Variants in DPP10 observed in about 807,000 individuals in gnomAD.
DPP10 encodes the protein inactive dipeptidyl peptidase 10.
In DPP10, 33 loss-of-function variants were observed where a neutral mutation model predicts 120.9. The observed-to-expected ratio is 0.27, with a 90% CI of 0.21 to 0.37. The LOEUF (loss-of-function observed/expected upper bound fraction) is 0.37. DPP10 is among the 10% of genes least tolerant of loss of function. The pLI is 1.00. For synonymous variants in DPP10, 337 were observed against 326.1 expected (o/e 1.03, Z -0.36); for missense variants, 816 against 942.8 (o/e 0.87, Z 1.76).
At chr2:114,555,164 A>G (rs1688187826) in intron 1 of DPP10, among the ~76,000 whole-genome samples, 1 of 152,208 alleles carries the variant, frequency 6.6e-6, no homozygotes, top group Admixed American at 6.5e-5. Context: ...TGTCTTGTAC[A>G]CACTCAGAAT....
intron 7 of DPP10, among the ~76,000 whole-genome samples, chr2:115,725,821 G>A (rs1374623015): frequency 6.6e-6 from 1 of 152,120 alleles, no homozygotes; most frequent in Non-Finnish European, 1.5e-5. Flanking sequence ...TAAGGAAAAC[G>A]TTGTGCACCT....
At chr2:114,816,399 A>G (rs1685642509) in intron 1 of DPP10, among the ~76,000 whole-genome samples, 1 of 152,212 alleles carries the variant, frequency 6.6e-6, no homozygotes, top group South Asian at 2.1e-4. Flanking sequence ...AACTTTATTT[A>G]CACAAATAGG....
chr2:114,517,315 G>T (rs1308223352), intron 1 of DPP10, among the ~76,000 whole-genome samples: 2 of 152,146 alleles, frequency 1.3e-5, no homozygotes, highest in Non-Finnish European at 2.9e-5. Flanking sequence ...GATGTCAGGA[G>T]TTCGAGACCA....
chr2:115,115,699 T>G (rs2049467209), intron 1 of DPP10, among the ~76,000 whole-genome samples: 1 of 152,214 alleles, frequency 6.6e-6, no homozygotes, highest in African/African-American at 2.4e-5. Flanking sequence ...ATGGCATTTT[T>G]AAGTTAGATG....
chr2:114,899,801 C>A (rs1558860006), intron 1 of DPP10, among the ~76,000 whole-genome samples: 3 of 150,208 alleles, frequency 2.0e-5, no homozygotes, highest in African/African-American at 4.9e-5. Context: ...ACTAAAAATA[C>A]AAAAAAAAAT....
At chr2:114,761,638 C>T (rs956173798) in intron 1 of DPP10, among the ~76,000 whole-genome samples, 4 of 152,236 alleles carry the variant, frequency 2.6e-5, no homozygotes, top group African/African-American at 7.2e-5. Context: ...TGAGGAGCAG[C>T]GGGGAACCAG....
chr2:114,509,593 C>T (rs1683966564), intron 1 of DPP10, among the ~76,000 whole-genome samples: 1 of 152,216 alleles, frequency 6.6e-6, no homozygotes, highest in Non-Finnish European at 1.5e-5. Context: ...GCGTAGGGCT[C>T]CATACAGCTC....
At chr2:114,922,503 G>A (rs769044336) in intron 1 of DPP10, among the ~76,000 whole-genome samples, 8 of 152,014 alleles carry the variant, frequency 5.3e-5, no homozygotes, top group Non-Finnish European at 1.0e-4. Context: ...GTAGAGATGG[G>A]GTTTCACCAT....
chr2:115,290,170 T>G (rs1246242190), intron 1 of DPP10, among the ~76,000 whole-genome samples: 1 of 151,948 alleles, frequency 6.6e-6, no homozygotes, highest in Non-Finnish European at 1.5e-5. Context: ...CCAAATAATT[T>G]TATTAAAAGC....
In DPP10 at chr2:114,975,005, C is replaced by G. The variant is rs1699655774; in HGVS notation, c.61-334234C>G. Among the ~76,000 whole-genome samples the G allele has an allele frequency of 3.3e-5, 5 of 151,226 alleles. No homozygotes were observed. In the South Asian group the frequency reaches 1.0e-3, roughly 31 times the overall value. ...TCATGTTAAAGAAAAAAATATAAAA[C>G]TGACAGGTGAGATAGAAAAATATCT... On this transcript the variant is annotated intron_variant, in intron 1 of 25. Coordinates refer to ENST00000410059, the MANE Select transcript of DPP10 (RefSeq NM_020868.6).
At chr2:114,977,849 C>CTT (rs113944879) in intron 1 of DPP10, among the ~76,000 whole-genome samples, 13 of 143,480 alleles carry the variant, frequency 9.1e-5, no homozygotes, top group African/African-American at 3.0e-4. Context: ...TTTCTTTTTT[C>CTT]TTTTTTTTTT....
chr2:115,239,464 C>T (rs934732669), intron 1 of DPP10, among the ~76,000 whole-genome samples: 5 of 152,136 alleles, frequency 3.3e-5, no homozygotes, highest in African/African-American at 1.2e-4. Flanking sequence ...GTTCCTCCAC[C>T]AGCAAAACAT....
intron 1 of DPP10, among the ~76,000 whole-genome samples, chr2:114,515,237 G>C (rs1684496423): frequency 6.6e-6 from 1 of 152,044 alleles, no homozygotes; most frequent in Admixed American, 6.6e-5. Flanking sequence ...AATGACTCTT[G>C]TGTCTTTTCA....
chr2:114,961,614 A>G (rs944045958), intron 1 of DPP10, among the ~76,000 whole-genome samples: 1 of 152,170 alleles, frequency 6.6e-6, no homozygotes, highest in Non-Finnish European at 1.5e-5. Context: ...GTATGTGTGC[A>G]TTTCAGAGAA....
intron 1 of DPP10, among the ~76,000 whole-genome samples, chr2:115,307,092 C>G (rs2061387666): frequency 6.6e-6 from 1 of 152,076 alleles, no homozygotes; most frequent in Non-Finnish European, 1.5e-5. Context: ...TTACTAATCT[C>G]TTCAAATCCC....
chr2:114,697,813 A>T (rs1700158852), intron 1 of DPP10, among the ~76,000 whole-genome samples: 1 of 151,628 alleles, frequency 6.6e-6, no homozygotes, highest in African/African-American at 2.4e-5. Flanking sequence ...TAGGAGGTTC[A>T]ACCAGAATCT....
In DPP10 at chr2:115,497,751, G is replaced by T. The variant is rs2076477866; in HGVS notation, c.272-1759G>T. ...AGCAAGCATTAATTGTGAGCAGGAG[G>T]ACAGGAGATCAAATCAGCTGGCAAG... On this transcript the variant is annotated intron_variant, in intron 3 of 25. Transcript: ENST00000410059. 2.0e-5 allele frequency among the ~76,000 whole-genome samples: 3 copies of T among 152,010 alleles called. No individual in the cohort carries two copies. In the South Asian group the frequency reaches 6.2e-4, roughly 32 times the overall value.
At chr2:115,036,937 G>A (rs1321874001) in intron 1 of DPP10, among the ~76,000 whole-genome samples, 1 of 152,034 alleles carries the variant, frequency 6.6e-6, no homozygotes, top group Non-Finnish European at 1.5e-5. Context: ...TCAGGCCTCA[G>A]GATCAAACTA....
chr2:115,698,267 G>A (rs2091704145), intron 7 of DPP10, among the ~76,000 whole-genome samples: 1 of 152,086 alleles, frequency 6.6e-6, no homozygotes, highest in African/African-American at 2.4e-5. Flanking sequence ...CTCTCAACCA[G>A]TGAGTTAAAA....
Sources: allele counts gnomAD v4.1 joint callset (sites outside exome capture counted in the v4.1 genomes callset), GRCh38; gene constraint gnomAD v4.1.1; transcripts MANE v1.5; gene names NCBI Gene and HGNC (gene_info 2026-07-23, HGNC 2026-07-21).